Variants in TET2 observed in about 807,000 individuals in gnomAD.
TET2 encodes the protein methylcytosine dioxygenase TET2.
Under a neutral mutation model 142.9 loss-of-function variants are expected in TET2, and 299 were observed. That is an observed-to-expected ratio of 2.09 (90% CI 1.90 to 2.30). The LOEUF (loss-of-function observed/expected upper bound fraction) is 2.30. Among genes scored for constraint, TET2 ranks in the 30% most tolerant of loss-of-function variants. The probability of loss-of-function intolerance (pLI) is 0.00; values close to 1 mark genes in which losing one functional copy is unlikely to be tolerated. For missense variants in TET2, 2,418 were observed against 2,378.0 expected (o/e 1.02, Z -0.35); for synonymous variants, 819 against 849.0 (o/e 0.96, Z 0.61).
intron 1 of TET2, among the ~76,000 whole-genome samples, chr4:105,163,015 A>C (rs1723935558): frequency 6.6e-6 from 1 of 152,232 alleles, no homozygotes; most frequent in African/African-American, 2.4e-5. Context: ...AATTGCCTAA[A>C]AGGATGAGAA....
At chr4:105,253,652 A>G (rs1204585596) in intron 6 of TET2, among the ~76,000 whole-genome samples, 2 of 151,312 alleles carry the variant, frequency 1.3e-5, no homozygotes, top group Non-Finnish European at 2.9e-5. Context: ...GTCTTAATGT[A>G]TTAGCTAGCA....
At chr4:105,181,096 T>G (rs1725096378) in intron 1 of TET2, among the ~76,000 whole-genome samples, 1 of 152,224 alleles carries the variant, frequency 6.6e-6, no homozygotes, top group Admixed American at 6.5e-5. Flanking sequence ...ATCACTCTTA[T>G]GCTCATTTAT....
intron 1 of TET2, among the ~76,000 whole-genome samples, chr4:105,159,007 CA>C (rs1274379615): frequency 6.6e-6 from 1 of 152,048 alleles, no homozygotes; most frequent in Non-Finnish European, 1.5e-5. Flanking sequence ...GCAGTATTTA[CA>C]AACACCATCC....
chr4:105,185,896 T>C (rs1478940987), intron 1 of TET2, among the ~76,000 whole-genome samples: 1 of 152,194 alleles, frequency 6.6e-6, no homozygotes, highest in Non-Finnish European at 1.5e-5. Context: ...TCAAAATGAT[T>C]GCAACTTTGA....
In TET2 at chr4:105,277,459, A is replaced by T; in HGVS notation, c.*940A>T. 1 of 226,542 alleles carries T rather than the reference A, an allele frequency of 4.4e-6. No homozygotes were observed. 14.0% of individuals were successfully genotyped at this position (226,542 alleles called of 1,614,324 possible). On this transcript the variant is annotated 3_prime_UTR_variant, in exon 11 of 11. Transcript: ENST00000380013. The stretch of plus-strand genomic sequence containing the variant: ...AGCTTTGACAACTTGAACAATGCTA[A>T]GGTACTGAGATGTTTAAAAAACAAG...
At chr4:105,215,458 T>G (rs1727437126) in intron 2 of TET2, among the ~76,000 whole-genome samples, 1 of 152,186 alleles carries the variant, frequency 6.6e-6, no homozygotes, top group South Asian at 2.1e-4. Context: ...GAATTATTAT[T>G]CAGCACATTA....
chr4:105,225,450 C>T (rs1421016002), intron 2 of TET2, among the ~76,000 whole-genome samples: 1 of 152,140 alleles, frequency 6.6e-6, no homozygotes. Flanking sequence ...TCTCCTCCCT[C>T]AGCAATGTTG....
intron 1 of TET2, among the ~76,000 whole-genome samples, chr4:105,182,178 C>T (rs930551934): frequency 5.9e-5 from 9 of 152,094 alleles, no homozygotes; most frequent in African/African-American, 1.9e-4. Flanking sequence ...ACTTTTTTAT[C>T]CCTTATTTAA....
At chr4:105,245,896 T>A (rs2110260502) in intron 6 of TET2, among the ~76,000 whole-genome samples, 1 of 152,296 alleles carries the variant, frequency 6.6e-6, no homozygotes, top group Non-Finnish European at 1.5e-5. Flanking sequence ...TCAAAAATAG[T>A]CCTATTGCAA....
intron 1 of TET2, among the ~76,000 whole-genome samples, chr4:105,176,589 A>T (rs1337029995): frequency 1.3e-5 from 2 of 152,220 alleles, no homozygotes; most frequent in African/African-American, 2.4e-5. Flanking sequence ...CAGAATATGT[A>T]CATGATCTAT....
At position 105,272,752 on chromosome 4, in the gene TET2, A is replaced by T. The variant is rs1731028685; in HGVS notation, c.4371A>T (p.Leu1457Phe). The change falls in exon 10 of 11, where the codon TTA becomes TTT. Residue 1457 changes from leucine to phenylalanine, a missense_variant. Transcript: ENST00000380013. ...LSSFRRKVRMLAEPVKTCRQR... is the reference protein window; with the variant it reads ...LSSFRRKVRMFAEPVKTCRQR... The stretch of plus-strand genomic sequence containing the variant: ...CTTTTCGGCGAAAAGTCAGGATGTT[A>T]GCAGAGCCAGTCAAGACTTGCCGAC... 6.4e-7 allele frequency: 1 copy of T among 1,551,682 alleles called. No individual in the cohort carries two copies. The highest frequency in any genetic ancestry group is 8.7e-7 in the Non-Finnish European group (1 of 1,146,978).
rs1560553686 is a variant in TET2 at position 105,243,779 on chromosome 4, GT to G, written c.3803+2del. On this transcript the variant is annotated splice_donor_variant, in intron 6 of 10. Coordinates refer to ENST00000380013, the MANE Select transcript of TET2 (RefSeq NM_001127208.3). LOFTEE classifies it high-confidence loss of function. ...ATCGCCGGTGTGCCTTGAATGAAGA[GT>G]AAGTGAAGCCCAGGGCCTCTCCCCT... 1 of 1,551,322 alleles carries G rather than the reference GT, an allele frequency of 6.4e-7. No homozygotes were observed. Among genetic ancestry groups the G allele is most frequent in the Non-Finnish European group, 8.7e-7 (1 of 1,146,732 alleles).
chr4:105,189,598 T>C (rs887516176), intron 1 of TET2, among the ~76,000 whole-genome samples: 1 of 152,184 alleles, frequency 6.6e-6, no homozygotes, highest in African/African-American at 2.4e-5. Context: ...TGGACTTCTC[T>C]CATGTTTTTA....
chr4:105,179,820 A>G (rs955068233), intron 1 of TET2, among the ~76,000 whole-genome samples: 4 of 152,230 alleles, frequency 2.6e-5, no homozygotes, highest in Admixed American at 1.3e-4. Flanking sequence ...AAGACTATCT[A>G]CAGTGAGATC....
At position 105,275,587 on chromosome 4, in the gene TET2, T is replaced by TA. The variant is rs1298698757; in HGVS notation, c.5078dup (p.Tyr1693Ter). The change falls in exon 11 of 11, where the codon TAC becomes TAAC. Residue 1693 changes from tyrosine (Y) to a stop codon, truncating the protein, a stop_gained and frameshift_variant. Transcript: ENST00000380013. LOFTEE classifies it low-confidence loss of function (END_TRUNC). Reference sequence around the variant, plus strand: ...AAATAGCCAGAGTTTTACATCTAAATACTTAGGTTATGGAAACCAAAATAT... The same window carrying TA: ...AAATAGCCAGAGTTTTACATCTAAATAACTTAGGTTATGGAAACCAAAATAT... ...FGNSQSFTSKYLGYGNQNMQG... is the reference protein window; with the variant it reads ...FGNSQSFTSK 1 of 1,551,620 alleles carries TA rather than the reference T, an allele frequency of 6.4e-7. No individual in the cohort carries two copies. Among genetic ancestry groups the TA allele is most frequent in the Non-Finnish European group, 8.7e-7 (1 of 1,146,996 alleles).
Position 105,236,198 on chromosome 4 carries a change from TA to T in TET2, c.2259del (p.Glu754ArgfsTer59). On this transcript the variant is annotated frameshift_variant, in exon 3 of 11. Coordinates refer to ENST00000380013, the MANE Select transcript of TET2 (RefSeq NM_001127208.3). LOFTEE classifies it high-confidence loss of function. ...AGCAGCAAAAATTACAAATAAAGAA[TA>T]AAGAGGAAATACTCCAGACTTTTCC... ...QQQQKLQIKN[K>X]EEILQTFPHP... The T allele has an allele frequency of 6.2e-7, 1 of 1,613,840 alleles. No individual in the cohort carries two copies. Among genetic ancestry groups the T allele is most frequent in the Non-Finnish European group, 8.5e-7 (1 of 1,179,960 alleles).
rs568795418 is a variant in TET2 at position 105,250,346 on chromosome 4, C to T, written c.3803+6568C>T. On this transcript the variant is annotated intron_variant, in intron 6 of 10. Transcript: ENST00000380013. ...ACCATGTTTCTTGGGTTTCCATATG[C>T]ATTTTAAGATCAGCTTCTCCGTTTC... 3.6e-5 allele frequency among the ~76,000 whole-genome samples: 5 copies of T among 138,038 alleles called. No homozygotes were observed. In the South Asian group the frequency reaches 9.4e-4, roughly 26 times the overall value. The allele number at this position is 138,038 out of a possible 152,430, so 90.6% of individuals were successfully genotyped here.
chr4:105,253,675 T>C (rs1729983110), intron 6 of TET2, among the ~76,000 whole-genome samples: 1 of 152,100 alleles, frequency 6.6e-6, no homozygotes, highest in Non-Finnish European at 1.5e-5. Context: ...TCCAGTATGA[T>C]GTTGAAAGGC....
intron 1 of TET2, among the ~76,000 whole-genome samples, chr4:105,149,231 C>G (rs1449157782): frequency 6.6e-6 from 1 of 152,116 alleles, no homozygotes; most frequent in African/African-American, 2.4e-5. Context: ...TCAGGCTACT[C>G]AACTAATAAT....
Sources: allele counts gnomAD v4.1 joint callset (sites outside exome capture counted in the v4.1 genomes callset), GRCh38; gene constraint gnomAD v4.1.1; transcripts MANE v1.5; gene names NCBI Gene and HGNC (gene_info 2026-07-23, HGNC 2026-07-21).